Variants in TBCE observed in about 807,000 individuals in gnomAD.
TBCE encodes tubulin-specific chaperone E.
Under a neutral mutation model 77.0 loss-of-function variants are expected in TBCE, and 53 were observed. The ratio of observed to expected loss-of-function variants is 0.69; its 90% confidence interval spans 0.55 to 0.87. TBCE has a LOEUF of 0.87. TBCE is among the 40% of genes least tolerant of loss of function. The pLI, the probability that TBCE is intolerant of heterozygous loss-of-function variation, is 0.00. For synonymous variants in TBCE, 235 were observed against 241.3 expected, an observed-to-expected ratio of 0.97 and a Z score of 0.24; for missense variants, 624 against 622.4, an observed-to-expected ratio of 1.00 and a Z score of -0.03.
rs192543957 is a variant in TBCE at position 235,387,605 on chromosome 1, G to T, written c.100+7456G>T. Among the ~76,000 whole-genome samples the T allele has an allele frequency of 5.1e-4, 78 of 152,326 alleles. No individual in the cohort carries two copies. In the South Asian group the frequency reaches 8.1e-3, roughly 16 times the overall value. ...CGTAGGTGTAGGACCCTCCGAGCCA[G>T]GTGCGGGATATAATCTCCTGGTGTG... On this transcript the variant is annotated intron_variant, in intron 2 of 16. Transcript: ENST00000642610.
intron 1 of TBCE, among the ~76,000 whole-genome samples, chr1:235,376,855 T>A (rs1031157351): frequency 1.3e-5 from 2 of 151,932 alleles, no homozygotes; most frequent in African/African-American, 4.8e-5. Flanking sequence ...CCGCCTGTAA[T>A]CCCAGTTACT....
intron 2 of TBCE, among the ~76,000 whole-genome samples, chr1:235,387,032 C>G (rs1246173536): frequency 6.6e-6 from 1 of 152,246 alleles, no homozygotes; most frequent in Non-Finnish European, 1.5e-5. Context: ...GGACCCTCAG[C>G]TGCAGGTCTG....
intron 11 of TBCE, 50 bp downstream of exon 11, chr1:235,436,658 TCA>T (rs780436952): frequency 2.0e-6 from 3 of 1,529,068 alleles, no homozygotes; most frequent in South Asian, 2.2e-5. Context: ...CTTTCCACTC[TCA>T]TGGCAGAGTT....
intron 1 of TBCE, among the ~76,000 whole-genome samples, chr1:235,377,456 G>C (rs1677365225): frequency 6.6e-6 from 1 of 152,216 alleles, no homozygotes; most frequent in Non-Finnish European, 1.5e-5. Context: ...TGGGATTGCA[G>C]GCGTGAGCCA....
chr1:235,392,450 G>C (rs1678455028), intron 2 of TBCE, among the ~76,000 whole-genome samples: 1 of 122,360 alleles, frequency 8.2e-6, no homozygotes, highest in Non-Finnish European at 1.6e-5. Flanking sequence ...CGCTCTTGTT[G>C]CCCAGGCTGG....
chr1:235,430,517 A>G (rs913251429), intron 6 of TBCE, 188 bp from the exon 7 acceptor site: 7 of 503,274 alleles, frequency 1.4e-5, no homozygotes, highest in African/African-American at 1.4e-4. Flanking sequence ...TATGTTGTAA[A>G]TGTTAAAAAT....
At chr1:235,398,985 C>G (rs1285215233) in intron 2 of TBCE, among the ~76,000 whole-genome samples, 2 of 148,868 alleles carry the variant, frequency 1.3e-5, no homozygotes, top group African/African-American at 5.0e-5. Context: ...ACAGAGTCTC[C>G]CTCTGTCACT....
rs565010373 is a variant in TBCE at position 235,442,818 on chromosome 1, T to C, written c.1340-34T>C. Reference sequence around the variant, plus strand: ...TAATTTAAATCCATATAATAGTAGATATCAATTAGTCTTTTTCTTTGTTTC... The same window carrying C: ...TAATTTAAATCCATATAATAGTAGACATCAATTAGTCTTTTTCTTTGTTTC... On this transcript the variant is annotated intron_variant, in intron 14 of 16. Coordinates refer to ENST00000642610, the MANE Select transcript of TBCE (RefSeq NM_003193.5). 56 of 1,597,034 alleles carry C rather than the reference T, an allele frequency of 3.5e-5. No homozygotes were observed. In the East Asian group the frequency reaches 1.2e-3, roughly 34 times the overall value.
In TBCE at chr1:235,450,300, A is replaced by T. The variant is rs1682819380; in HGVS notation, c.*1538A>T. The T allele has an allele frequency of 6.2e-7, 1 of 1,613,906 alleles. No homozygotes were observed. ...CGGAGAATACTGAGGAGAAGACAGC[A>T]TTCCTGTCTCACAGGTCTTCTCACA... On this transcript the variant is annotated 3_prime_UTR_variant, in exon 17 of 17. Transcript: ENST00000642610.
chr1:235,410,273 C>T (rs945419437), intron 3 of TBCE, among the ~76,000 whole-genome samples: 7 of 152,086 alleles, frequency 4.6e-5, no homozygotes, highest in African/African-American at 1.2e-4. Flanking sequence ...AAAGGAATAA[C>T]GAATGGCTAC....
At chr1:235,424,902 A>G (rs887963095) in intron 5 of TBCE, among the ~76,000 whole-genome samples, 16 of 152,096 alleles carry the variant, frequency 1.1e-4, no homozygotes, top group Non-Finnish European at 2.2e-4. Context: ...TGGCCTCTCA[A>G]AGTGCTGGGA....
chr1:235,391,102 T>C lies in TBCE; in HGVS notation c.101-10401T>C, dbSNP rs191968505. On this transcript the variant is annotated intron_variant, in intron 2 of 16. Coordinates refer to ENST00000642610, the MANE Select transcript of TBCE (RefSeq NM_003193.5). ...GACAGAGCTGCCTCTGTTGGATTAA[T>C]TCCTACAAGTAGAATAGATTTAAGG... Among the ~76,000 whole-genome samples, 616 of 152,218 alleles carry C rather than the reference T, an allele frequency of 4.0e-3. 5 individuals are homozygous for C. The highest frequency in any genetic ancestry group is 0.014 in the African/African-American group (588 of 41,534).
At chr1:235,404,061 G>A (rs954549677) in intron 3 of TBCE, among the ~76,000 whole-genome samples, 4 of 152,178 alleles carry the variant, frequency 2.6e-5, no homozygotes, top group African/African-American at 7.2e-5. Flanking sequence ...GGCGGATCAC[G>A]AGGTCAGGAG....
In TBCE at chr1:235,422,515, C is replaced by CAA. The variant is rs1157728664; in HGVS notation, c.460+2964_460+2965dup. On this transcript the variant is annotated intron_variant, in intron 5 of 16. Coordinates refer to ENST00000642610, the MANE Select transcript of TBCE (RefSeq NM_003193.5). ...TGGGTGACAGAGCAGGACTCCATCT[C>CAA]AAAAAAAAAAACCAAAAAACAAAAA... Among the ~76,000 whole-genome samples the CAA allele has an allele frequency of 3.8e-5, 5 of 132,826 alleles. No individual in the cohort carries two copies. The East Asian group carries it at 7.2e-4, about 19-fold the overall frequency. The allele number at this position is 132,826 out of a possible 152,430, so 87.1% of individuals were successfully genotyped here.
At chr1:235,428,947 A>G (rs1242502554) in intron 6 of TBCE, among the ~76,000 whole-genome samples, 1 of 141,882 alleles carries the variant, frequency 7.0e-6, no homozygotes, top group African/African-American at 2.7e-5. Context: ...AGCCTTATGT[A>G]TGTATGTATA....
intron 14 of TBCE, 21 bp from the exon 15 acceptor site, chr1:235,442,831 T>C (rs757621678): frequency 6.2e-7 from 1 of 1,612,488 alleles, no homozygotes; most frequent in South Asian, 1.1e-5. Flanking sequence ...CAATTAGTCT[T>C]TTTCTTTGTT....
At chr1:235,437,192 G>C in intron 11 of TBCE, 130 bp from the exon 12 acceptor site, 1 of 1,055,346 alleles carries the variant, frequency 9.5e-7, no homozygotes, top group Non-Finnish European at 1.4e-6. Flanking sequence ...AGAGGGGATT[G>C]CTTAGTGCAT....
chr1:235,394,451 G>A (rs1297823415), intron 2 of TBCE, among the ~76,000 whole-genome samples: 13 of 95,558 alleles, frequency 1.4e-4, no homozygotes, highest in African/African-American at 3.5e-4. Flanking sequence ...TTTGAGACAG[G>A]TTGTCACTCT....
chr1:235,377,361 A>G (rs1677360373), intron 1 of TBCE, among the ~76,000 whole-genome samples: 1 of 152,064 alleles, frequency 6.6e-6, no homozygotes, highest in African/African-American at 2.4e-5. Context: ...TTGTATTTTT[A>G]GTAGAGACAG....
Sources: allele counts gnomAD v4.1 joint callset (sites outside exome capture counted in the v4.1 genomes callset), GRCh38; gene constraint gnomAD v4.1.1; transcripts MANE v1.5; gene names NCBI Gene and HGNC (gene_info 2026-07-23, HGNC 2026-07-21).